Variants in ANKRD30A observed in about 807,000 individuals in gnomAD.
ANKRD30A encodes ankyrin repeat domain 30A, also known as ankyrin repeat domain-containing protein 30A.
A neutral mutation model predicts 166.3 loss-of-function variants in ANKRD30A; 170 were observed. The observed-to-expected ratio is 1.02, with a 90% CI of 0.90 to 1.16. The LOEUF (loss-of-function observed/expected upper bound fraction) is 1.16, where lower values mean the gene tolerates loss of function less well. ANKRD30A is among the 50% of genes most tolerant of loss of function. The pLI, the probability that ANKRD30A is intolerant of heterozygous loss-of-function variation, is 0.00. For synonymous variants in ANKRD30A, 564 were observed against 508.9 expected (o/e 1.11, Z -1.46); for missense variants, 1,630 against 1,518.0 (o/e 1.07, Z -1.23).
chr10:37,126,016 G>A lies in ANKRD30A; in HGVS notation c.221+8G>A, dbSNP rs1588730287. 6.3e-7 allele frequency: 1 copy of A among 1,595,320 alleles called. No homozygotes were observed. The highest frequency in any genetic ancestry group is 8.5e-7 in the Non-Finnish European group (1 of 1,171,226). ...ACAAGACGCCCAGAAGAGGTACCAG[G>A]CCCTGCCTGAGCCGGGGCTGCAGGA... On this transcript the variant is annotated splice_region_variant and intron_variant, in intron 1 of 35. Transcript: ENST00000361713.
intron 21 of ANKRD30A, among the ~76,000 whole-genome samples, chr10:37,171,351 T>C (rs1157894086): frequency 3.4e-5 from 5 of 145,758 alleles, no homozygotes; most frequent in Non-Finnish European, 6.1e-5. Flanking sequence ...TACTGCTTCA[T>C]TCACTGTTAG....
chr10:37,129,566 C>T (rs1836252726), intron 1 of ANKRD30A, among the ~76,000 whole-genome samples: 1 of 152,110 alleles, frequency 6.6e-6, no homozygotes, highest in Admixed American at 6.6e-5. Context: ...GAGATAACTG[C>T]TGTGTTCATC....
chr10:37,135,943 G>T (rs1361699997), intron 5 of ANKRD30A, among the ~76,000 whole-genome samples: 1 of 152,040 alleles, frequency 6.6e-6, no homozygotes, highest in Non-Finnish European at 1.5e-5. Context: ...AACCTATGAA[G>T]AAACACTTTT....
At chr10:37,245,557 T>C in the ANKRD30A span, among the ~76,000 whole-genome samples, 1 of 152,098 alleles carries the variant, frequency 6.6e-6, no homozygotes, top group Non-Finnish European at 1.5e-5. Flanking sequence ...TCATAATATA[T>C]ATCTTTTAGT....
downstream of ANKRD30A, among the ~76,000 whole-genome samples, chr10:37,233,902 A>G (rs993279256): frequency 1.7e-4 from 26 of 152,290 alleles, no homozygotes; most frequent in Non-Finnish European, 1.2e-4. Flanking sequence ...TAGAAAGCAA[A>G]ATGTTAAAAT....
At chr10:37,207,337 C>A (rs1017005454) in intron 31 of ANKRD30A, among the ~76,000 whole-genome samples, 1 of 152,080 alleles carries the variant, frequency 6.6e-6, no homozygotes, top group East Asian at 1.9e-4. Context: ...GTATCTTGTA[C>A]TTCAGAAACT....
At chr10:37,257,313 C>T in the ANKRD30A span, among the ~76,000 whole-genome samples, 2 of 148,332 alleles carry the variant, frequency 1.3e-5, no homozygotes, top group African/African-American at 4.9e-5. Context: ...AGCTAGTGGT[C>T]CATCTCTTTT....
chr10:37,245,177 A>C, the ANKRD30A span, among the ~76,000 whole-genome samples: 1 of 152,288 alleles, frequency 6.6e-6, no homozygotes, highest in South Asian at 2.1e-4. Flanking sequence ...ATCTATACTC[A>C]AGTATTTGGT....
the ANKRD30A span, among the ~76,000 whole-genome samples, chr10:37,237,773 A>G: frequency 1.3e-5 from 2 of 152,238 alleles, no homozygotes; most frequent in African/African-American, 2.4e-5. Flanking sequence ...GAAGCCATCA[A>G]TGACAACCTT....
At chr10:37,138,263 C>T (rs1378937084) in intron 6 of ANKRD30A, among the ~76,000 whole-genome samples, 1 of 152,070 alleles carries the variant, frequency 6.6e-6, no homozygotes, top group East Asian at 1.9e-4. Context: ...GTAGATAAAA[C>T]CACAAAGATG....
At chr10:37,235,953 A>G (rs540454756), downstream of ANKRD30A, among the ~76,000 whole-genome samples, 7 of 151,948 alleles carry the variant, frequency 4.6e-5, no homozygotes, top group South Asian at 2.1e-4. Context: ...TATTTATAGT[A>G]GAGACGGGGT....
chr10:37,162,724 T>C, intron 16 of ANKRD30A, 47 bp downstream of exon 16: 1 of 1,611,094 alleles, frequency 6.2e-7, no homozygotes, highest in Non-Finnish European at 8.5e-7. Context: ...TATCTATGTA[T>C]TTTGTGAAGT....
chr10:37,132,293 G>A lies in ANKRD30A; in HGVS notation c.564G>A (p.Val188=). 1.2e-6 allele frequency: 2 copies of A among 1,606,064 alleles called. No individual in the cohort carries two copies. Among genetic ancestry groups the A allele is most frequent in the Non-Finnish European group, 1.7e-6 (2 of 1,176,210 alleles). Residue 188 remains valine, a synonymous_variant, in exon 4 of 36, where the codon GTG becomes GTA. Transcript: ENST00000361713. ...TAACGAAAAGAAGTGAGCAAATTGT[G>A]GAATTTTTGCTGATAAAAAATGCAA... ...LSITKRSEQI[V]EFLLIKNANA...
the ANKRD30A span, among the ~76,000 whole-genome samples, chr10:37,245,906 C>T: frequency 1.3e-5 from 2 of 152,250 alleles, no homozygotes; most frequent in East Asian, 3.9e-4. Context: ...AGAGGCTGGT[C>T]ACAGTTCTTA....
intron 31 of ANKRD30A, among the ~76,000 whole-genome samples, chr10:37,207,805 T>C (rs1221657932): frequency 6.6e-6 from 1 of 151,952 alleles, no homozygotes; most frequent in African/African-American, 2.4e-5. Context: ...CTCATACCTC[T>C]TTAAACTTTA....
At chr10:37,133,763 C>A (rs1301107494) in intron 4 of ANKRD30A, among the ~76,000 whole-genome samples, 153 bp from the exon 5 acceptor site, 1 of 152,124 alleles carries the variant, frequency 6.6e-6, no homozygotes, top group African/African-American at 2.4e-5. Context: ...TTGCTCCTTC[C>A]TTTTAGCCTT....
the ANKRD30A span, among the ~76,000 whole-genome samples, chr10:37,249,328 T>A: frequency 5.1e-4 from 78 of 152,278 alleles, no homozygotes; most frequent in African/African-American, 1.8e-3. Context: ...AATGGCAAAA[T>A]ATGACCCATT....
At chr10:37,209,995 G>T (rs1317262592) in intron 31 of ANKRD30A, among the ~76,000 whole-genome samples, 1 of 152,004 alleles carries the variant, frequency 6.6e-6, no homozygotes, top group Non-Finnish European at 1.5e-5. Flanking sequence ...TTAAGTTCTA[G>T]GTTACATGTG....
chr10:37,258,306 T>C, the ANKRD30A span, among the ~76,000 whole-genome samples: 1 of 152,122 alleles, frequency 6.6e-6, no homozygotes, highest in Non-Finnish European at 1.5e-5. Flanking sequence ...TAAATGTATT[T>C]GAAAATTTAA....
Sources: allele counts gnomAD v4.1 joint callset (sites outside exome capture counted in the v4.1 genomes callset), GRCh38; gene constraint gnomAD v4.1.1; transcripts MANE v1.5; gene names NCBI Gene and HGNC (gene_info 2026-07-23, HGNC 2026-07-21).